Variants in SH3KBP1 observed in about 807,000 individuals in gnomAD.
SH3KBP1 encodes SH3 domain containing kinase binding protein 1, also known as SH3 domain-containing kinase-binding protein 1.
A neutral mutation model predicts 50.1 loss-of-function variants in SH3KBP1; 8 were observed. The observed-to-expected ratio is 0.16, with a 90% confidence interval of 0.09 to 0.29. SH3KBP1 has a LOEUF of 0.29. SH3KBP1 is among the 10% of genes least tolerant of loss of function. The pLI, the probability that SH3KBP1 is intolerant of heterozygous loss-of-function variation, is 1.00. For synonymous variants in SH3KBP1, 227 were observed against 218.6 expected (o/e 1.04, Z -0.34); for missense variants, 377 against 535.2 (o/e 0.70, Z 2.92).
intron 4 of SH3KBP1, among the ~76,000 whole-genome samples, chrX:19,698,828 T>TTTCA (rs761980086): frequency 2.7e-5 from 3 of 112,036 alleles, no homozygotes; most frequent in Non-Finnish European, 5.6e-5. Context: ...TGCCATGTGA[T>TTTCA]TTCATTCATT....
chrX:19,838,915 GA>G (rs2068142197), intron 1 of SH3KBP1, among the ~76,000 whole-genome samples: 1 of 100,974 alleles, frequency 9.9e-6, no homozygotes, highest in Non-Finnish European at 2.0e-5. Flanking sequence ...AAGAAAAAAA[GA>G]AAAGGAAAAA....
In SH3KBP1 at chrX:19,607,958, C is replaced by T. The variant is rs1229976791; in HGVS notation, c.985G>A (p.Asp329Asn). ...CTTACATTCCCTTCCTTTTCAAAGT[C>T]CGGTGGAAGTAACTTCACGAAGTTA... Reference protein sequence around the residue: ...PDNFVKLLPPDFEKEGNRPKK... With the variant: ...PDNFVKLLPPNFEKEGNRPKK... Residue 329 changes from aspartate to asparagine, a missense_variant, in exon 9 of 18, where the codon GAC becomes AAC. Around this residue, in one of 3 missense-constraint regions of SH3KBP1, gnomAD observed 257 missense variants for 374.2 expected, o/e 0.69. Coordinates refer to ENST00000397821, the MANE Select transcript of SH3KBP1 (RefSeq NM_031892.3). 2.5e-6 allele frequency: 3 copies of T among 1,208,218 alleles called. No individual in the cohort carries two copies. The African/African-American group carries it at 5.2e-5, about 21-fold the overall frequency.
chrX:19,739,569 CTT>C (rs1213228670), intron 3 of SH3KBP1, among the ~76,000 whole-genome samples: 3 of 101,074 alleles, frequency 3.0e-5, no homozygotes, highest in Non-Finnish European at 4.0e-5. Flanking sequence ...TATGGGAGTC[CTT>C]TTTTTTTTTT....
chrX:19,673,663 C>A (rs2062857046), intron 6 of SH3KBP1, among the ~76,000 whole-genome samples: 1 of 111,410 alleles, frequency 9.0e-6, no homozygotes, highest in Non-Finnish European at 1.9e-5. Flanking sequence ...CTCCAGTCCA[C>A]ATTCCTCAGC....
At chrX:19,597,317 G>A (rs1455768428) in intron 9 of SH3KBP1, among the ~76,000 whole-genome samples, 2 of 112,132 alleles carry the variant, frequency 1.8e-5, no homozygotes, top group Non-Finnish European at 3.8e-5. Flanking sequence ...TCAACAGTGG[G>A]CTTAAAATAT....
intron 2 of SH3KBP1, among the ~76,000 whole-genome samples, chrX:19,763,741 G>T (rs1357084846): frequency 4.5e-5 from 5 of 111,562 alleles, no homozygotes; most frequent in African/African-American, 1.6e-4. Context: ...TACAAAGTAG[G>T]CCGGGCACGG....
At chrX:19,871,532 TG>T (rs1304435686) in intron 1 of SH3KBP1, among the ~76,000 whole-genome samples, 1 of 112,596 alleles carries the variant, frequency 8.9e-6, no homozygotes, top group Non-Finnish European at 1.9e-5. Flanking sequence ...CACTGAAACT[TG>T]CCCCTGAGAT....
chrX:19,873,289 T>TATATATATATATATATATATAC (rs1569493039), intron 1 of SH3KBP1, among the ~76,000 whole-genome samples: 23 of 75,188 alleles, frequency 3.1e-4, no homozygotes, highest in South Asian at 1.5e-3. Flanking sequence ...TATATATATA[T>TATATATATATATATATATATAC]GTATATATAT....
chrX:19,738,285 C>T (rs368065419), intron 3 of SH3KBP1, among the ~76,000 whole-genome samples: 9 of 111,171 alleles, frequency 8.1e-5, no homozygotes, highest in African/African-American at 2.3e-4. Context: ...CCTGTCTCTC[C>T]CCGCATCCCT....
chrX:19,669,325 A>AATTATT (rs1556163052), intron 6 of SH3KBP1, among the ~76,000 whole-genome samples: 1,323 of 102,521 alleles, frequency 0.013, 35 homozygotes, highest in African/African-American at 0.044. Context: ...TAATAATAAT[A>AATTATT]ATTATTATTA....
chrX:19,781,002 T>C (rs945057607), intron 2 of SH3KBP1, among the ~76,000 whole-genome samples: 1 of 112,586 alleles, frequency 8.9e-6, no homozygotes, highest in African/African-American at 3.2e-5. Context: ...AGATAATTAT[T>C]GCAGCTTTAT....
At chrX:19,650,160 T>C (rs773742472) in intron 6 of SH3KBP1, among the ~76,000 whole-genome samples, 1 of 112,062 alleles carries the variant, frequency 8.9e-6, no homozygotes, top group South Asian at 3.7e-4. Flanking sequence ...GAGGCCTGGC[T>C]TTCTGGCAGC....
intron 2 of SH3KBP1, among the ~76,000 whole-genome samples, chrX:19,775,867 AT>A (rs1272437063): frequency 8.9e-6 from 1 of 112,257 alleles, no homozygotes; most frequent in Admixed American, 9.5e-5. Context: ...TGAAACAGCC[AT>A]AATATCAGAA....
At chrX:19,540,438 C>A (rs765094186) in intron 16 of SH3KBP1, among the ~76,000 whole-genome samples, 5 of 111,791 alleles carry the variant, frequency 4.5e-5, no homozygotes, top group Non-Finnish European at 7.5e-5. Context: ...AGGTGTGGGA[C>A]ACCTTGCATA....
intron 1 of SH3KBP1, among the ~76,000 whole-genome samples, chrX:19,875,493 C>T (rs745407097): frequency 8.9e-6 from 1 of 112,364 alleles, no homozygotes; most frequent in Non-Finnish European, 1.9e-5. Flanking sequence ...CACTGGCAGG[C>T]GGTCTAGCAT....
intron 8 of SH3KBP1, among the ~76,000 whole-genome samples, chrX:19,628,190 G>A (rs889820158): frequency 1.8e-5 from 2 of 112,033 alleles, no homozygotes; most frequent in African/African-American, 6.5e-5. Context: ...AACTATTTTA[G>A]GTGGATTTTT....
At chrX:19,843,204 G>C (rs34228623) in intron 1 of SH3KBP1, among the ~76,000 whole-genome samples, 1 of 108,190 alleles carries the variant, frequency 9.2e-6, no homozygotes, top group Non-Finnish European at 1.9e-5. Context: ...TTTTTTAGTA[G>C]AGAAGGGGTT....
intron 2 of SH3KBP1, among the ~76,000 whole-genome samples, chrX:19,828,970 G>A (rs1217080885): frequency 1.8e-5 from 2 of 110,504 alleles, no homozygotes; most frequent in Admixed American, 9.7e-5. Context: ...GAGGCTTCAG[G>A]CACAGGTATG....
intron 3 of SH3KBP1, among the ~76,000 whole-genome samples, chrX:19,734,340 T>C (rs67045285): frequency 0.22 from 23,993 of 110,508 alleles, 2,330 homozygotes; most frequent in African/African-American, 0.37. Context: ...AGGCAACTGA[T>C]TGAATAAAGA....
Sources: allele counts gnomAD v4.1 joint callset (sites outside exome capture counted in the v4.1 genomes callset), GRCh38; gene constraint gnomAD v4.1.1; regional missense constraint gnomAD v4.1.1; transcripts MANE v1.5; gene names NCBI Gene and HGNC (gene_info 2026-07-23, HGNC 2026-07-21).